Variants in NTNG2 observed in about 807,000 individuals in gnomAD.
The protein encoded by NTNG2 is netrin-G2.
Under a neutral mutation model 47.6 loss-of-function variants are expected in NTNG2, and 15 were observed. That is an observed-to-expected ratio of 0.32 (90% confidence interval 0.21 to 0.49). NTNG2 has a LOEUF of 0.49. Ranked by LOEUF, NTNG2 falls within the 20% of genes least tolerant of loss-of-function variation. NTNG2 has a pLI of 0.99. For missense variants in NTNG2, 578 were observed against 764.6 expected (o/e 0.76, Z 2.88); for synonymous variants, 307 against 324.6 (o/e 0.95, Z 0.58).
rs895745999 is a variant in NTNG2 at position 132,180,102 on chromosome 9, G to A, written c.213+13058G>A. Among the ~76,000 whole-genome samples the A allele has an allele frequency of 3.3e-5, 5 of 152,178 alleles. No individual in the cohort carries two copies. Among genetic ancestry groups the A allele is most frequent in the East Asian group, 1.9e-4 (1 of 5,190 alleles). On this transcript the variant is annotated intron_variant, in intron 2 of 7. Transcript: ENST00000393229. The surrounding 1 kb of genome is among the most constrained non-coding windows in gnomAD (Gnocchi z 4.2). ...GTTTGTCTTGGGTCTCTCAGGGACC[G>A]TTTGGGCCTCTTCAGCCCCTCATTC...
intron 3 of NTNG2, among the ~76,000 whole-genome samples, chr9:132,201,737 G>A (rs1271689524): frequency 1.3e-5 from 2 of 152,202 alleles, no homozygotes; most frequent in African/African-American, 4.8e-5. Flanking sequence ...GCTATTGAGC[G>A]CTGTTATTAA....
intron 2 of NTNG2, among the ~76,000 whole-genome samples, chr9:132,181,394 C>G (rs547094225): frequency 7.4e-4 from 112 of 150,848 alleles, no homozygotes; most frequent in African/African-American, 2.6e-3. Flanking sequence ...GATCTTGGCT[C>G]ACTGCAACCT....
chr9:132,216,292 C>T (rs747631870), intron 3 of NTNG2, among the ~76,000 whole-genome samples: 3 of 151,730 alleles, frequency 2.0e-5, no homozygotes, highest in African/African-American at 4.8e-5. Flanking sequence ...TAGACATTTA[C>T]CAAAAATTAA....
chr9:132,198,010 G>A lies in NTNG2; in HGVS notation c.258G>A (p.Pro86=). The change falls in exon 3 of 8, where the codon CCG becomes CCA. Residue 86 remains proline (P), a synonymous_variant. Transcript: ENST00000393229. ...GCAACGAGTGTGACGCCTCCAACCC[G>A]GACCTGGCCCACCCGCCCAGGCTCA... ...LCSNECDASN[P]DLAHPPRLMF... 1.9e-6 allele frequency: 3 copies of A among 1,613,488 alleles called. No homozygotes were observed. Among genetic ancestry groups the A allele is most frequent in the Non-Finnish European group, 2.5e-6 (3 of 1,180,004 alleles).
At position 132,225,259 on chromosome 9, in the gene NTNG2, TTTTTGTTTTG is replaced by T. The variant is rs564394685; in HGVS notation, c.858-1575_858-1566del. Reference sequence around the variant, plus strand: ...TTTGTTTTTGTTTTTGTTTTGTTTGTTTTTGTTTTGTTTTGTTTTGTTTTTTTTGGAGACA... The same window carrying T: ...TTTGTTTTTGTTTTTGTTTTGTTTGTTTTTGTTTTGTTTTTTTTGGAGACA... On this transcript the variant is annotated intron_variant, in intron 3 of 7. Transcript: ENST00000393229. Among the ~76,000 whole-genome samples, 638 of 151,238 alleles carry T rather than the reference TTTTTGTTTTG, an allele frequency of 4.2e-3. 2 individuals are homozygous for T. The highest frequency in any genetic ancestry group is 0.01 in the Middle Eastern group (3 of 288).
intron 3 of NTNG2, among the ~76,000 whole-genome samples, chr9:132,207,008 G>C (rs1310447811): frequency 2.6e-5 from 4 of 152,258 alleles, no homozygotes; most frequent in Non-Finnish European, 5.9e-5. Flanking sequence ...GGGGCATCTC[G>C]GCCTTGGCCA....
Position 132,162,545 on chromosome 9 carries a change from TGTGTGTGTGTGAGAGAGAGACAGA to T in NTNG2, c.-484+318_-484+341del, listed in dbSNP as rs1835118290. 4.6e-5 allele frequency among the ~76,000 whole-genome samples: 5 copies of T among 108,162 alleles called. No homozygotes were observed. Among genetic ancestry groups the T allele is most frequent in the Non-Finnish European group, 1.8e-5 (1 of 54,244 alleles). The allele number at this position is 108,162 out of a possible 152,430, so 71.0% of individuals were successfully genotyped here. On this transcript the variant is annotated intron_variant, in intron 1 of 7. Coordinates refer to ENST00000393229, the MANE Select transcript of NTNG2 (RefSeq NM_032536.4). This position sits in a 1 kb window ranked among gnomAD's most constrained non-coding sequence, Gnocchi z 4.6. ...CGTCGTGTGTGTGAGAGTGTGTGTGTGTGTGTGTGTGAGAGAGAGACAGAGTGTGTGTGTGTGTGTGTGTGTGTG... is the reference window on the plus strand; with the variant it reads ...CGTCGTGTGTGTGAGAGTGTGTGTGTGTGTGTGTGTGTGTGTGTGTGTGTG...
intron 3 of NTNG2, among the ~76,000 whole-genome samples, chr9:132,223,920 C>A (rs1039953214): frequency 6.6e-6 from 1 of 152,222 alleles, no homozygotes; most frequent in Non-Finnish European, 1.5e-5. Flanking sequence ...CTCCACCCCC[C>A]AGCCTCATTG....
chr9:132,195,885 GC>G lies in NTNG2; in HGVS notation c.214-2075del, dbSNP rs1280441896. 3.3e-5 allele frequency among the ~76,000 whole-genome samples: 5 copies of G among 152,054 alleles called. No homozygotes were observed. In the East Asian group the frequency reaches 7.7e-4, roughly 24 times the overall value. ...GGCCTCAAGTGATCCTCCCACTTCT[GC>G]CCCCCGAGTAGCTGGGACTAGAGGT... On this transcript the variant is annotated intron_variant, in intron 2 of 7. Transcript: ENST00000393229.
In NTNG2 at chr9:132,180,276, A is replaced by G. The variant is rs1227715400; in HGVS notation, c.213+13232A>G. Among the ~76,000 whole-genome samples, 2 of 152,254 alleles carry G rather than the reference A, an allele frequency of 1.3e-5. No homozygotes were observed. Among genetic ancestry groups the G allele is most frequent in the Non-Finnish European group, 2.9e-5 (2 of 68,044 alleles). On this transcript the variant is annotated intron_variant, in intron 2 of 7. Transcript: ENST00000393229. This position sits in a 1 kb window ranked among gnomAD's most constrained non-coding sequence, Gnocchi z 4.2. ...AAAAGGTGAAGAAGAGACCAATGAG[A>G]GATGAGCCCACGGTGCTCCTGCCCT...
chr9:132,227,757 T>C (rs1009821242), intron 4 of NTNG2, among the ~76,000 whole-genome samples: 6 of 152,192 alleles, frequency 3.9e-5, no homozygotes, highest in Admixed American at 2.6e-4. Flanking sequence ...ATCTGCATCA[T>C]AGACCCCCTT....
At position 132,180,338 on chromosome 9, in the gene NTNG2, A is replaced by T. The variant is rs556202576; in HGVS notation, c.213+13294A>T. On this transcript the variant is annotated intron_variant, in intron 2 of 7. Coordinates refer to ENST00000393229, the MANE Select transcript of NTNG2 (RefSeq NM_032536.4). This position sits in a 1 kb window ranked among gnomAD's most constrained non-coding sequence, Gnocchi z 4.2. The stretch of plus-strand genomic sequence containing the variant: ...GGCCATCCTCTGCTGCCAGCCTGCA[A>T]CAGGGCAGTGTCCTTCTGGGAGGTG... Among the ~76,000 whole-genome samples, 788 of 152,368 alleles carry T rather than the reference A, an allele frequency of 5.2e-3. 7 individuals carry two copies. Among genetic ancestry groups the T allele is most frequent in the African/African-American group, 0.018 (755 of 41,598 alleles).
intron 2 of NTNG2, among the ~76,000 whole-genome samples, chr9:132,187,008 G>A (rs746641967): frequency 6.6e-6 from 1 of 152,262 alleles, no homozygotes; most frequent in South Asian, 2.1e-4. Flanking sequence ...AATAATGCGG[G>A]GTGAGGGGCG....
At position 132,231,337 on chromosome 9, in the gene NTNG2, G is replaced by A. The variant is rs778016269; in HGVS notation, c.1054+742G>A. On this transcript the variant is annotated intron_variant, in intron 5 of 7. Coordinates refer to ENST00000393229, the MANE Select transcript of NTNG2 (RefSeq NM_032536.4). The surrounding 1 kb of genome is among the most constrained non-coding windows in gnomAD (Gnocchi z 4.1). ...CCTGGGAGGTCGCCATCTGCTCTGC[G>A]AGGCAGCAGGAGAGGACTGGCCAAT... The A allele has an allele frequency of 2.2e-5, 10 of 456,248 alleles. No homozygotes were observed. Among genetic ancestry groups the A allele is most frequent in the Admixed American group, 1.4e-4 (6 of 42,518 alleles). The allele number at this position is 456,248 out of a possible 1,614,324, so 28.3% of individuals were successfully genotyped here.
At chr9:132,227,162 CAG>C (rs1205069926) in intron 4 of NTNG2, 141 bp downstream of exon 4, 11 of 935,424 alleles carry the variant, frequency 1.2e-5, no homozygotes, top group South Asian at 1.9e-5. Context: ...AACGTGCACA[CAG>C]AAACATACGA....
rs984838051 is a variant in NTNG2, at chr9:132,236,528, C to A, written c.1055-2576C>A. ...CTCACATGTTCAAATTTCCTCCAGCCCCAGCTCTGAGCAGCGAGCAGGGCT... is the reference window on the plus strand; with the variant it reads ...CTCACATGTTCAAATTTCCTCCAGCACCAGCTCTGAGCAGCGAGCAGGGCT... On this transcript the variant is annotated intron_variant, in intron 5 of 7. Transcript: ENST00000393229. This position sits in a 1 kb window ranked among gnomAD's most constrained non-coding sequence, Gnocchi z 4.3. Among the ~76,000 whole-genome samples, 1 of 152,334 alleles carries A rather than the reference C, an allele frequency of 6.6e-6. No individual in the cohort carries two copies. Among genetic ancestry groups the A allele is most frequent in the African/African-American group, 2.4e-5 (1 of 41,574 alleles).
At position 132,182,747 on chromosome 9, in the gene NTNG2, T is replaced by C. The variant is rs945315198; in HGVS notation, c.214-15219T>C. On this transcript the variant is annotated intron_variant, in intron 2 of 7. Transcript: ENST00000393229. This position sits in a 1 kb window ranked among gnomAD's most constrained non-coding sequence, Gnocchi z 4.2. ...TCTCCCAACACTTGGGGCAGTCTTC[T>C]CGAAGGCCTCAAGCCCAGCGGGCAG... 5.9e-5 allele frequency among the ~76,000 whole-genome samples: 9 copies of C among 152,144 alleles called. No individual in the cohort carries two copies. Among genetic ancestry groups the C allele is most frequent in the African/African-American group, 2.2e-4 (9 of 41,432 alleles).
chr9:132,183,923 G>T (rs1391159503), intron 2 of NTNG2, among the ~76,000 whole-genome samples: 1 of 152,172 alleles, frequency 6.6e-6, no homozygotes, highest in Non-Finnish European at 1.5e-5. Context: ...TAGGGCCCAG[G>T]AATGTTGCCA....
Position 132,178,537 on chromosome 9 carries a change from G to A in NTNG2, c.213+11493G>A, listed in dbSNP as rs2131342832. 1.3e-5 allele frequency among the ~76,000 whole-genome samples: 2 copies of A among 152,218 alleles called. 1 individual carries two copies. Among genetic ancestry groups the A allele is most frequent in the South Asian group, 4.2e-4 (2 of 4,818 alleles). On this transcript the variant is annotated intron_variant, in intron 2 of 7. Coordinates refer to ENST00000393229, the MANE Select transcript of NTNG2 (RefSeq NM_032536.4). ...GTTACAGTGAAATTGACTGCGCCCA[G>A]GAAAGGGGACCCCAGAAGCAGGTGG...
Sources: gnomAD v4.1 joint callset for allele counts (sites outside exome capture counted in the v4.1 genomes callset) on GRCh38, gnomAD v4.1.1 for gene constraint, Gnocchi (gnomAD v3.1) non-coding constraint, MANE v1.5 for transcripts, NCBI Gene and HGNC (gene_info 2026-07-23, HGNC 2026-07-21) for gene names.